The following FYN variants were observed in gnomAD, a reference collection of about 807,000 sequenced individuals.
FYN encodes the protein FYN proto-oncogene, Src family tyrosine kinase.
Under a neutral mutation model 70.2 loss-of-function variants are expected in FYN, and 10 were observed. That is an observed-to-expected ratio of 0.14 (90% confidence interval 0.09 to 0.24). The LOEUF (loss-of-function observed/expected upper bound fraction) is 0.24. FYN is among the 10% of genes least tolerant of loss of function. The probability of loss-of-function intolerance (pLI) is 1.00; values close to 1 mark genes in which losing one functional copy is unlikely to be tolerated. For synonymous variants in FYN, 236 were observed against 248.6 expected, an observed-to-expected ratio of 0.95 and a Z score of 0.48; for missense variants, 319 against 673.1, an observed-to-expected ratio of 0.47 and a Z score of 5.82.
chr6:111,809,508 G>C (rs1772256467), intron 2 of FYN, among the ~76,000 whole-genome samples: 2 of 152,194 alleles, frequency 1.3e-5, no homozygotes, highest in Admixed American at 1.3e-4. Context: ...GATACACCAG[G>C]TTATTTCACA....
chr6:111,702,177 G>T (rs1041705428), intron 8 of FYN, among the ~76,000 whole-genome samples: 4 of 152,124 alleles, frequency 2.6e-5, no homozygotes, highest in African/African-American at 9.7e-5. Context: ...TATAATACTT[G>T]CTAATCTAGG....
chr6:111,716,531 T>C (rs1197270353), intron 4 of FYN, among the ~76,000 whole-genome samples: 3 of 152,190 alleles, frequency 2.0e-5, no homozygotes, highest in Non-Finnish European at 2.9e-5. Context: ...TTGATACTTC[T>C]GCATTAGTTA....
At chr6:111,831,742 C>T (rs533961977) in intron 2 of FYN, among the ~76,000 whole-genome samples, 69 of 152,280 alleles carry the variant, frequency 4.5e-4, no homozygotes, top group African/African-American at 1.6e-3. Context: ...ATGAGGAAAG[C>T]CCTCCTGTCT....
chr6:111,714,253 G>C (rs1228220564), intron 5 of FYN, 94 bp downstream of exon 5: 1 of 771,222 alleles, frequency 1.3e-6, no homozygotes, highest in East Asian at 2.5e-5. Context: ...TGTTCTTTTA[G>C]CATTTCAGAC....
At chr6:111,817,736 G>T (rs1307113239) in intron 2 of FYN, among the ~76,000 whole-genome samples, 1 of 152,366 alleles carries the variant, frequency 6.6e-6, no homozygotes, top group East Asian at 1.9e-4. Flanking sequence ...TTCCTTAAAT[G>T]CTGGATTGAG....
At chr6:111,725,987 C>A (rs1377755441) in intron 3 of FYN, among the ~76,000 whole-genome samples, 1 of 152,116 alleles carries the variant, frequency 6.6e-6, no homozygotes, top group Admixed American at 6.5e-5. Flanking sequence ...GTGAGAGAGG[C>A]CTTCATTGTG....
intron 2 of FYN, among the ~76,000 whole-genome samples, chr6:111,795,897 G>C (rs886725862): frequency 6.6e-6 from 1 of 152,170 alleles, no homozygotes; most frequent in African/African-American, 2.4e-5. Flanking sequence ...ATATTCCTGA[G>C]AGTAGGTTGA....
chr6:111,704,290 A>G (rs1799968383), intron 6 of FYN, among the ~76,000 whole-genome samples, 188 bp from the exon 7 acceptor site: 1 of 151,584 alleles, frequency 6.6e-6, no homozygotes, highest in South Asian at 2.1e-4. Flanking sequence ...TCCCTAATTC[A>G]TCTCTTTCAC....
At position 111,666,630 on chromosome 6, in the gene FYN, C is replaced by T. The variant is rs137926631; in HGVS notation, c.1406-4683G>A. 2.8e-3 allele frequency among the ~76,000 whole-genome samples: 428 copies of T among 152,238 alleles called. 5 individuals carry two copies. The highest frequency in any genetic ancestry group is 1.0e-2 in the African/African-American group (414 of 41,530). On this transcript the variant is annotated intron_variant, in intron 13 of 13. Coordinates refer to ENST00000354650, the MANE Select transcript of FYN (RefSeq NM_002037.5). Reference sequence around the variant, plus strand: ...GGCAGACCGCTTGAGCTCAGGAGTTCGAGACCAGCGTGGGCAACATGTTAA... The same window carrying T: ...GGCAGACCGCTTGAGCTCAGGAGTTTGAGACCAGCGTGGGCAACATGTTAA...
At chr6:111,775,117 C>A (rs771778788) in intron 3 of FYN, among the ~76,000 whole-genome samples, 3 of 152,188 alleles carry the variant, frequency 2.0e-5, no homozygotes, top group Non-Finnish European at 4.4e-5. Flanking sequence ...GTGGGACCAA[C>A]CACCTGGATC....
At chr6:111,859,529 T>C (rs566026150) in intron 1 of FYN, among the ~76,000 whole-genome samples, 2 of 152,342 alleles carry the variant, frequency 1.3e-5, no homozygotes, top group African/African-American at 4.8e-5. Context: ...CTCCAGTTCA[T>C]AGAAAAGTTC....
At chr6:111,832,710 A>G (rs533406709) in intron 2 of FYN, among the ~76,000 whole-genome samples, 1 of 152,124 alleles carries the variant, frequency 6.6e-6, no homozygotes, top group South Asian at 2.1e-4. Context: ...TTTTTGGCCA[A>G]AAACAACATT....
chr6:111,727,529 T>G (rs994333455), intron 3 of FYN, among the ~76,000 whole-genome samples: 2 of 152,142 alleles, frequency 1.3e-5, no homozygotes, highest in Admixed American at 1.3e-4. Context: ...ATGCAAGTAT[T>G]AAAATATTAC....
chr6:111,795,851 T>C (rs972652352), intron 2 of FYN, among the ~76,000 whole-genome samples: 1 of 152,252 alleles, frequency 6.6e-6, no homozygotes, highest in East Asian at 1.9e-4. Flanking sequence ...CCAAAGCTTA[T>C]GTATTATTTC....
chr6:111,853,312 A>C (rs1773735920), intron 1 of FYN, among the ~76,000 whole-genome samples: 2 of 151,534 alleles, frequency 1.3e-5, no homozygotes, highest in Admixed American at 1.3e-4. Flanking sequence ...GAACATAGAG[A>C]TTTGGACTTG....
At chr6:111,755,544 T>C (rs1583410882) in intron 3 of FYN, among the ~76,000 whole-genome samples, 1 of 152,086 alleles carries the variant, frequency 6.6e-6, no homozygotes, top group Admixed American at 6.5e-5. Flanking sequence ...TAGAACTCTG[T>C]CCCCACAGCC....
chr6:111,788,552 T>C (rs1051965023), intron 2 of FYN, among the ~76,000 whole-genome samples: 1 of 152,014 alleles, frequency 6.6e-6, no homozygotes, highest in Non-Finnish European at 1.5e-5. Context: ...TGAATTCCAC[T>C]CCCCTCCAAA....
At chr6:111,710,332 A>G (rs1800309956) in intron 5 of FYN, among the ~76,000 whole-genome samples, 1 of 152,254 alleles carries the variant, frequency 6.6e-6, no homozygotes, top group African/African-American at 2.4e-5. Context: ...AGGTTGGGAC[A>G]AGCCCAGCCT....
chr6:111,790,630 T>C (rs1171089892), intron 2 of FYN, among the ~76,000 whole-genome samples: 3 of 152,168 alleles, frequency 2.0e-5, no homozygotes, highest in Non-Finnish European at 1.5e-5. Context: ...CTCACTAACA[T>C]TGCATTTTAA....
Sources: gnomAD v4.1 joint callset for allele counts (sites outside exome capture counted in the v4.1 genomes callset) on GRCh38, gnomAD v4.1.1 for gene constraint, MANE v1.5 for transcripts, NCBI Gene and HGNC (gene_info 2026-07-23, HGNC 2026-07-21) for gene names.